The following FBLN5 variants were observed in gnomAD, a reference collection of about 807,000 sequenced individuals.
FBLN5 encodes fibulin-5.
Under a neutral mutation model 61.6 loss-of-function variants are expected in FBLN5, and 24 were observed. The observed-to-expected ratio is 0.39, with a 90% CI of 0.28 to 0.55. The LOEUF (loss-of-function observed/expected upper bound fraction) is 0.55. Among genes scored for constraint, FBLN5 ranks in the 20% least tolerant of loss-of-function variants. FBLN5 has a pLI of 0.65. For missense variants in FBLN5, 470 were observed against 594.1 expected (o/e 0.79, Z 2.17); for synonymous variants, 213 against 219.8 (o/e 0.97, Z 0.27).
At chr14:91,880,524 TGC>T (rs1347421165) in intron 9 of FBLN5, among the ~76,000 whole-genome samples, 11 of 102,234 alleles carry the variant, frequency 1.1e-4, no homozygotes, top group Middle Eastern at 4.3e-3. Context: ...GGAGTGTGCG[TGC>T]GTGTGTGTGT....
In FBLN5 at chr14:91,924,430, G is replaced by A. The variant is rs1017034427; in HGVS notation, c.379+12517C>T. 2.0e-5 allele frequency among the ~76,000 whole-genome samples: 3 copies of A among 152,210 alleles called. No individual in the cohort carries two copies. The South Asian group carries it at 6.2e-4, about 32-fold the overall frequency. ...AGACCGCGTGTGGTGGCTCACGCCT[G>A]TAATCCCAACACTTTGGGAGGCAGA... is the stretch of plus-strand genomic sequence containing the variant. On this transcript the variant is annotated intron_variant, in intron 4 of 10. Transcript: ENST00000342058.
At chr14:91,925,919 A>G (rs1266230189) in intron 4 of FBLN5, among the ~76,000 whole-genome samples, 2 of 152,192 alleles carry the variant, frequency 1.3e-5, no homozygotes, top group Non-Finnish European at 2.9e-5. Flanking sequence ...GACACCCAGT[A>G]CAGTGGGAGG....
chr14:91,877,285 T>C (rs1417668856), intron 10 of FBLN5, among the ~76,000 whole-genome samples: 1 of 152,186 alleles, frequency 6.6e-6, no homozygotes, highest in Non-Finnish European at 1.5e-5. Flanking sequence ...ATGAGGATCC[T>C]GAGGCTCAGG....
At chr14:91,921,583 C>T (rs1242033373) in intron 4 of FBLN5, among the ~76,000 whole-genome samples, 5 of 152,292 alleles carry the variant, frequency 3.3e-5, no homozygotes, top group East Asian at 3.9e-4. Flanking sequence ...GTCAGAAACT[C>T]GGCAGCAATC....
At chr14:91,918,008 C>A (rs1028402784) in intron 4 of FBLN5, among the ~76,000 whole-genome samples, 1 of 152,190 alleles carries the variant, frequency 6.6e-6, no homozygotes, top group Admixed American at 6.5e-5. Context: ...CCCTGCCCCC[C>A]AACCCAAGAG....
At chr14:91,940,970 C>T (rs547489220) in intron 2 of FBLN5, among the ~76,000 whole-genome samples, 3 of 152,206 alleles carry the variant, frequency 2.0e-5, no homozygotes, top group African/African-American at 7.2e-5. Flanking sequence ...ACTCCCTGTA[C>T]CATTGCTTCA....
chr14:91,911,183 C>A (rs1407223785), intron 4 of FBLN5, among the ~76,000 whole-genome samples: 2 of 152,054 alleles, frequency 1.3e-5, no homozygotes, highest in Admixed American at 1.3e-4. Context: ...GGGCTTTTCA[C>A]CAGGTTGGCC....
rs55665890 is a variant in FBLN5 at position 91,911,803 on chromosome 14, G to GAA, written c.380-16733_380-16732dup. Among the ~76,000 whole-genome samples, 352 of 141,156 alleles carry GAA rather than the reference G, an allele frequency of 2.5e-3. 1 individual carries two copies. Among genetic ancestry groups the GAA allele is most frequent in the Middle Eastern group, 7.0e-3 (2 of 284 alleles). 92.6% of individuals were successfully genotyped at this position (141,156 alleles called of 152,430 possible). A position where few individuals can be genotyped will look rare whatever the true frequency, so the allele number is the denominator to read the frequency against. On this transcript the variant is annotated intron_variant, in intron 4 of 10. Transcript: ENST00000342058. The stretch of plus-strand genomic sequence containing the variant: ...CTGGAGGATGCAAAAGGAAAAGACG[G>GAA]AAAAAAAAAAAAAACGGCTGGGAGA...
At chr14:91,898,796 C>CTTTTTTTTTTT (rs35840279) in intron 4 of FBLN5, among the ~76,000 whole-genome samples, 1 of 84,242 alleles carries the variant, frequency 1.2e-5, no homozygotes, top group Non-Finnish European at 2.2e-5. Context: ...TTCATTCATT[C>CTTTTTTTTTTT]TTTTTTTTTT....
intron 4 of FBLN5, among the ~76,000 whole-genome samples, chr14:91,926,888 A>C (rs1303420177): frequency 6.6e-6 from 1 of 152,194 alleles, no homozygotes; most frequent in Admixed American, 6.5e-5. Context: ...CATTCCCGGA[A>C]GATAAGCATC....
chr14:91,873,167 T>A (rs576650410), intron 10 of FBLN5, among the ~76,000 whole-genome samples: 1 of 152,284 alleles, frequency 6.6e-6, no homozygotes, highest in Admixed American at 6.5e-5. Context: ...GACAGCCACC[T>A]CCACATTCGG....
At chr14:91,940,999 G>A (rs555055106) in intron 2 of FBLN5, among the ~76,000 whole-genome samples, 24 of 152,072 alleles carry the variant, frequency 1.6e-4, no homozygotes, top group Non-Finnish European at 2.4e-4. Flanking sequence ...ATTTTTAGCA[G>A]ACAGGTTTCA....
chr14:91,937,238 C>T, intron 3 of FBLN5, 37 bp from the exon 4 acceptor site: 1 of 1,613,524 alleles, frequency 6.2e-7, no homozygotes, highest in Non-Finnish European at 8.5e-7. Context: ...TAGTGGCACC[C>T]CAACTGCCTT....
At chr14:91,903,562 T>C (rs562324668) in intron 4 of FBLN5, among the ~76,000 whole-genome samples, 19 of 152,194 alleles carry the variant, frequency 1.2e-4, no homozygotes, top group African/African-American at 4.6e-4. Flanking sequence ...GAGGGCTCCT[T>C]CTTCTCATTC....
At chr14:91,898,831 T>G (rs1890334045) in intron 4 of FBLN5, among the ~76,000 whole-genome samples, 1 of 131,612 alleles carries the variant, frequency 7.6e-6, no homozygotes, top group South Asian at 2.8e-4. Flanking sequence ...CGACGGAATC[T>G]CGCTCTGTCG....
At chr14:91,915,400 T>C (rs577861301) in intron 4 of FBLN5, among the ~76,000 whole-genome samples, 48 of 151,992 alleles carry the variant, frequency 3.2e-4, no homozygotes, top group Admixed American at 1.0e-3. Flanking sequence ...AATTATATCG[T>C]AGCGGCCAAG....
At chr14:91,874,190 A>T in intron 10 of FBLN5, 1 of 152,350 alleles carries the variant, frequency 6.6e-6, no homozygotes. Context: ...AATGAATCTC[A>T]GGGTGTGAGA....
chr14:91,906,157 G>GATT (rs1304950634), intron 4 of FBLN5, among the ~76,000 whole-genome samples: 1 of 152,210 alleles, frequency 6.6e-6, no homozygotes, highest in African/African-American at 2.4e-5. Context: ...AAAGTGCTGG[G>GATT]ATTATAGGCA....
Position 91,881,381 on chromosome 14 carries a change from G to T in FBLN5, c.900C>A (p.Asn300Lys). The T allele has an allele frequency of 6.2e-7, 1 of 1,614,052 alleles. No homozygotes were observed. The highest frequency in any genetic ancestry group is 2.2e-5 in the East Asian group (1 of 44,890). ...NECEHRNHTCNLQQTCYNLQG... is the reference protein window; with the variant it reads ...NECEHRNHTCKLQQTCYNLQG... Reference sequence around the variant, plus strand: ...GTAAATTGTAGCACGTCTGCTGCAGGTTGCACGTGTGGTTCCTGTGCTCAC... The same window carrying T: ...GTAAATTGTAGCACGTCTGCTGCAGTTTGCACGTGTGGTTCCTGTGCTCAC... The change falls in exon 9 of 11, where the codon AAC (asparagine) becomes AAA (lysine). Residue 300 changes from asparagine (N) to lysine (K), a missense_variant. Coordinates refer to ENST00000342058, the MANE Select transcript of FBLN5 (RefSeq NM_006329.4).
Sources: allele counts gnomAD v4.1 joint callset (sites outside exome capture counted in the v4.1 genomes callset), GRCh38; gene constraint gnomAD v4.1.1; transcripts MANE v1.5; gene names NCBI Gene and HGNC (gene_info 2026-07-23, HGNC 2026-07-21).